SMYD3: variants seen among roughly 807,000 people sequenced by gnomAD.
SMYD3 encodes the protein histone-lysine N-methyltransferase SMYD3.
Under a neutral mutation model 57.7 loss-of-function variants are expected in SMYD3, and 36 were observed. The observed-to-expected ratio is 0.62, with a 90% CI of 0.48 to 0.82. The LOEUF (loss-of-function observed/expected upper bound fraction) is 0.82. SMYD3 is among the 40% of genes least tolerant of loss of function. The pLI, the probability that SMYD3 is intolerant of heterozygous loss-of-function variation, is 0.00. For missense variants in SMYD3, 515 were observed against 538.8 expected, an observed-to-expected ratio of 0.96 and a Z score of 0.44; for synonymous variants, 211 against 195.0, an observed-to-expected ratio of 1.08 and a Z score of -0.68.
intron 5 of SMYD3, among the ~76,000 whole-genome samples, chr1:246,265,321 A>G (rs1452182923): frequency 6.7e-6 from 1 of 149,296 alleles, no homozygotes; most frequent in Non-Finnish European, 1.5e-5. Context: ...TTTTTTTTGT[A>G]ATAGACAGGG....
At chr1:246,029,673 GAAAAAAAAAA>G (rs34698516) in intron 5 of SMYD3, among the ~76,000 whole-genome samples, 1 of 88,154 alleles carries the variant, frequency 1.1e-5, no homozygotes, top group Non-Finnish European at 2.6e-5. Flanking sequence ...CTCTGTCTCA[GAAAAAAAAAA>G]AAAAAAAGAA....
At chr1:246,476,938 C>T (rs1274748909) in intron 1 of SMYD3, among the ~76,000 whole-genome samples, 1 of 152,162 alleles carries the variant, frequency 6.6e-6, no homozygotes, top group African/African-American at 2.4e-5. Context: ...GACAGCTTGT[C>T]TCTGGAACAC....
chr1:246,407,999 A>G (rs2066895296), intron 1 of SMYD3, among the ~76,000 whole-genome samples: 2 of 152,126 alleles, frequency 1.3e-5, no homozygotes, highest in South Asian at 4.1e-4. Context: ...CTTCATTTAC[A>G]GATGGTGTTG....
At chr1:246,346,527 C>CTTA (rs2065721616) in intron 2 of SMYD3, among the ~76,000 whole-genome samples, 1 of 152,084 alleles carries the variant, frequency 6.6e-6, no homozygotes, top group Non-Finnish European at 1.5e-5. Flanking sequence ...GTGGAGGAAA[C>CTTA]TTATAATCGT....
At chr1:246,392,317 G>A (rs992594755) in intron 1 of SMYD3, among the ~76,000 whole-genome samples, 3 of 152,058 alleles carry the variant, frequency 2.0e-5, no homozygotes, top group Non-Finnish European at 4.4e-5. Flanking sequence ...AACATGAAAC[G>A]CATGAAAGAA....
At chr1:246,408,694 G>T (rs569928606) in intron 1 of SMYD3, among the ~76,000 whole-genome samples, 20 of 123,408 alleles carry the variant, frequency 1.6e-4, no homozygotes, top group African/African-American at 6.3e-4. Context: ...TTTTGAGATG[G>T]AGTCTAGCTC....
In SMYD3 at chr1:245,929,887, A is replaced by C; in HGVS notation, c.582T>G (p.Gly194=). Residue 194 remains glycine, a synonymous_variant, in exon 6 of 12, where the codon GGT becomes GGG. Transcript: ENST00000490107. ...CACCATACCTGGGATATAGGCCAAC[A>C]CCAACTTCCTGCATCTCCGCATTAC... The part of the protein sequence containing the change: ...TICNAEMQEV[G]VGLYPSISLL... 6.2e-7 allele frequency: 1 copy of C among 1,613,798 alleles called. No homozygotes were observed. Among genetic ancestry groups the C allele is most frequent in the Non-Finnish European group, 8.5e-7 (1 of 1,179,738 alleles).
chr1:246,223,641 G>T (rs1243726130), intron 5 of SMYD3, among the ~76,000 whole-genome samples: 1 of 152,032 alleles, frequency 6.6e-6, no homozygotes, highest in Non-Finnish European at 1.5e-5. Flanking sequence ...CTATACTATA[G>T]GTGCTGAAGG....
intron 5 of SMYD3, among the ~76,000 whole-genome samples, chr1:246,008,685 C>T (rs1038742966): frequency 3.3e-5 from 5 of 152,052 alleles, no homozygotes; most frequent in South Asian, 2.1e-4. Flanking sequence ...GTCTCAACAC[C>T]GGGGAACAAA....
intron 10 of SMYD3, among the ~76,000 whole-genome samples, chr1:245,788,576 C>G (rs575132299): frequency 6.6e-6 from 1 of 152,296 alleles, no homozygotes; most frequent in East Asian, 1.9e-4. Flanking sequence ...GATGAAATAG[C>G]CTAGAAAAGT....
chr1:245,916,941 A>T (rs976065411), intron 7 of SMYD3, among the ~76,000 whole-genome samples: 3 of 152,086 alleles, frequency 2.0e-5, no homozygotes, highest in Non-Finnish European at 4.4e-5. Context: ...CCATGACGAC[A>T]TGAGTCAAGA....
At chr1:246,112,213 T>G (rs2061255912) in intron 5 of SMYD3, among the ~76,000 whole-genome samples, 1 of 152,212 alleles carries the variant, frequency 6.6e-6, no homozygotes, top group Non-Finnish European at 1.5e-5. Flanking sequence ...TCCAAATCTA[T>G]ACTTATGAGC....
chr1:245,754,175 A>T (rs1167018158), intron 11 of SMYD3, among the ~76,000 whole-genome samples: 8 of 152,182 alleles, frequency 5.3e-5, no homozygotes, highest in Non-Finnish European at 1.5e-5. Context: ...TTTTTTAAGT[A>T]ATTTTAGAAT....
At chr1:246,109,065 T>C (rs2061181479) in intron 5 of SMYD3, among the ~76,000 whole-genome samples, 1 of 152,200 alleles carries the variant, frequency 6.6e-6, no homozygotes, top group Admixed American at 6.5e-5. Flanking sequence ...ATTTGTCTTT[T>C]TTCTTCCTAG....
At position 246,327,300 on chromosome 1, in the gene SMYD3, G is replaced by A. The variant is rs752785732; in HGVS notation, c.432C>T (p.Leu144=). 5.6e-6 allele frequency: 9 copies of A among 1,613,746 alleles called. No individual in the cohort carries two copies. Among genetic ancestry groups the A allele is most frequent in the Middle Eastern group, 1.6e-4 (1 of 6,084 alleles). Residue 144 remains leucine (L), a synonymous_variant, in exon 5 of 12, where the codon CTC becomes CTT. Transcript: ENST00000490107. ...GTTGAAATGTCATTACGAGTTGCCT[G>A]AGGCCCTCTTTCTTATCTTCAGTCA... The part of the protein sequence containing the change: ...NKLTEDKKEG[L]RQLVMTFQHF...
At chr1:246,353,087 A>C (rs984989870) in intron 2 of SMYD3, among the ~76,000 whole-genome samples, 1 of 152,240 alleles carries the variant, frequency 6.6e-6, no homozygotes, top group Admixed American at 6.5e-5. Flanking sequence ...AGCAGTATTA[A>C]TGTTTCACTT....
At chr1:245,923,017 C>T (rs79554057) in intron 7 of SMYD3, among the ~76,000 whole-genome samples, 1,706 of 152,166 alleles carry the variant, frequency 0.011, 30 homozygotes, top group African/African-American at 0.038. Flanking sequence ...TATAAATATT[C>T]CCTATCATCA....
At chr1:245,827,104 G>A (rs560005998) in intron 10 of SMYD3, among the ~76,000 whole-genome samples, 6 of 152,276 alleles carry the variant, frequency 3.9e-5, no homozygotes, top group African/African-American at 7.2e-5. Flanking sequence ...CCTCTCACAC[G>A]TTTTCACAGA....
At chr1:245,913,538 G>A (rs2055176924) in intron 8 of SMYD3, among the ~76,000 whole-genome samples, 1 of 151,376 alleles carries the variant, frequency 6.6e-6, no homozygotes, top group African/African-American at 2.4e-5. Flanking sequence ...AAAACATAGG[G>A]GAAACACTTC....
Sources: allele counts gnomAD v4.1 joint callset (sites outside exome capture counted in the v4.1 genomes callset), GRCh38; gene constraint gnomAD v4.1.1; transcripts MANE v1.5; gene names NCBI Gene and HGNC (gene_info 2026-07-23, HGNC 2026-07-21).